Variants in HHAT observed in about 807,000 individuals in gnomAD.
The protein encoded by HHAT is hedgehog acyltransferase, also known as protein-cysteine N-palmitoyltransferase HHAT.
Under a neutral mutation model 70.8 loss-of-function variants are expected in HHAT, and 47 were observed. The ratio of observed to expected loss-of-function variants is 0.66; its 90% confidence interval spans 0.53 to 0.85. The LOEUF is 0.85. HHAT is among the 40% of genes least tolerant of loss of function. HHAT has a pLI of 0.00. For missense variants in HHAT, 609 were observed against 604.8 expected (o/e 1.01, Z -0.07); for synonymous variants, 228 against 247.6 (o/e 0.92, Z 0.74).
chr1:210,497,718 C>T (rs1481496356), intron 8 of HHAT, among the ~76,000 whole-genome samples: 1 of 151,776 alleles, frequency 6.6e-6, no homozygotes, highest in Non-Finnish European at 1.5e-5. Context: ...TGTAGAGGCC[C>T]ATTTGTTCTC....
At chr1:210,587,769 G>C in intron 9 of HHAT, 129 bp from the exon 10 acceptor site, 1 of 711,120 alleles carries the variant, frequency 1.4e-6, no homozygotes, top group Non-Finnish European at 2.4e-6. Context: ...CAAGGAATCT[G>C]GCCTCTTGGA....
rs74454474 is a variant in HHAT at position 210,331,166 on chromosome 1, C to T, written c.-44+2062C>T. Among the ~76,000 whole-genome samples, 7 of 152,182 alleles carry T rather than the reference C, an allele frequency of 4.6e-5. No homozygotes were observed. The East Asian group carries it at 1.3e-3, about 29-fold the overall frequency. ...GTGGACTTTATTTCTATTATTATTACATTGTAATATGAATACAACTCACCA... is the reference window on the plus strand; with the variant it reads ...GTGGACTTTATTTCTATTATTATTATATTGTAATATGAATACAACTCACCA... On this transcript the variant is annotated intron_variant, in intron 1 of 11. Coordinates refer to ENST00000261458, the MANE Select transcript of HHAT (RefSeq NM_018194.6).
At chr1:210,553,857 A>G (rs1191326743) in intron 9 of HHAT, among the ~76,000 whole-genome samples, 1 of 152,122 alleles carries the variant, frequency 6.6e-6, no homozygotes, top group African/African-American at 2.4e-5. Flanking sequence ...CTCCACCCCG[A>G]GTGTATCCAC....
intron 8 of HHAT, among the ~76,000 whole-genome samples, chr1:210,479,700 G>A (rs2094362322): frequency 6.6e-6 from 1 of 152,032 alleles, no homozygotes; most frequent in Non-Finnish European, 1.5e-5. Context: ...TGTGGTCAGT[G>A]GATACCTTGA....
chr1:210,639,021 T>C (rs1479527519), intron 11 of HHAT, among the ~76,000 whole-genome samples: 2 of 152,228 alleles, frequency 1.3e-5, no homozygotes, highest in Non-Finnish European at 2.9e-5. Context: ...TTATGTGATA[T>C]GCAAATCTTA....
At chr1:210,455,584 C>T (rs550069485) in intron 7 of HHAT, among the ~76,000 whole-genome samples, 2 of 152,104 alleles carry the variant, frequency 1.3e-5, no homozygotes, top group South Asian at 2.1e-4. Flanking sequence ...ACAGCTGACC[C>T]GATTCAAGTT....
At chr1:210,665,669 T>TA (rs1227369772) in intron 11 of HHAT, among the ~76,000 whole-genome samples, 3 of 152,152 alleles carry the variant, frequency 2.0e-5, no homozygotes, top group African/African-American at 7.2e-5. Flanking sequence ...ATGGTAGATT[T>TA]AAAAAACTAA....
At position 210,418,145 on chromosome 1, in the gene HHAT, C is replaced by T; in HGVS notation, c.685-9C>T. 6.2e-7 allele frequency: 1 copy of T among 1,613,996 alleles called. No individual in the cohort carries two copies. ...CACCATCGAATGACCTCTTTTGTTT[C>T]CACTTTAGATGCAGCAGCAGGAGCA... On this transcript the variant is annotated splice_polypyrimidine_tract_variant and intron_variant, in intron 6 of 11. Coordinates refer to ENST00000261458, the MANE Select transcript of HHAT (RefSeq NM_018194.6).
chr1:210,364,103 C>G (rs2088646794), intron 3 of HHAT, among the ~76,000 whole-genome samples: 1 of 152,220 alleles, frequency 6.6e-6, no homozygotes, highest in African/African-American at 2.4e-5. Flanking sequence ...CTGAGAAGAG[C>G]ATCCTGCCCT....
chr1:210,369,119 C>T (rs2089305395), intron 3 of HHAT, among the ~76,000 whole-genome samples: 1 of 152,102 alleles, frequency 6.6e-6, no homozygotes, highest in Non-Finnish European at 1.5e-5. Context: ...CTGATTCTCC[C>T]TCTGTAGCAA....
chr1:210,330,808 C>T (rs543103847), intron 1 of HHAT, among the ~76,000 whole-genome samples: 4 of 152,080 alleles, frequency 2.6e-5, no homozygotes, highest in Non-Finnish European at 5.9e-5. Context: ...AATTCAAGCA[C>T]GTTACATTTA....
chr1:210,587,614 C>T (rs907037895), intron 9 of HHAT, among the ~76,000 whole-genome samples: 7 of 152,160 alleles, frequency 4.6e-5, no homozygotes, highest in Non-Finnish European at 1.0e-4. Context: ...TTCAGAAACT[C>T]TAAATTCATG....
intron 5 of HHAT, among the ~76,000 whole-genome samples, chr1:210,401,884 T>C (rs953619414): frequency 6.6e-6 from 1 of 151,518 alleles, no homozygotes; most frequent in Non-Finnish European, 1.5e-5. Flanking sequence ...GTGGCTAGCA[T>C]CCCCTGGACG....
chr1:210,535,200 A>G (rs984597161), intron 9 of HHAT, among the ~76,000 whole-genome samples: 2 of 152,192 alleles, frequency 1.3e-5, no homozygotes, highest in Non-Finnish European at 1.5e-5. Flanking sequence ...CTCCATTGCC[A>G]GCACTACTTC....
intron 2 of HHAT, 47 bp downstream of exon 2, chr1:210,349,113 T>G (rs116639223): frequency 1.3e-6 from 2 of 1,587,976 alleles, no homozygotes; most frequent in Non-Finnish European, 1.7e-6. Context: ...AGGAAACTCC[T>G]GTCAAAAAAA....
chr1:210,562,898 A>T (rs1220842761), intron 9 of HHAT, among the ~76,000 whole-genome samples: 1 of 146,212 alleles, frequency 6.8e-6, no homozygotes, highest in Admixed American at 7.2e-5. Flanking sequence ...GAGTGAGAAC[A>T]TGCGGTGTTT....
Position 210,341,653 on chromosome 1 carries a change from T to TTG in HHAT, c.-43-7279_-43-7278dup, listed in dbSNP as rs559644213. Reference sequence around the variant, plus strand: ...GAGAGGATCCGAGTAGATGGCATCTTTGAAAGCAGGTGGAGTGTTAAATTC... The same window carrying TTG: ...GAGAGGATCCGAGTAGATGGCATCTTTGTGAAAGCAGGTGGAGTGTTAAATTC... On this transcript the variant is annotated intron_variant, in intron 1 of 11. Transcript: ENST00000261458. Among the ~76,000 whole-genome samples the TTG allele has an allele frequency of 2.0e-3, 303 of 152,340 alleles. 1 individual carries two copies. The highest frequency in any genetic ancestry group is 4.4e-3 in the Admixed American group (68 of 15,306).
At chr1:210,374,163 C>T (rs536674122) in intron 3 of HHAT, 10 of 152,210 alleles carry the variant, frequency 6.6e-5, no homozygotes, top group South Asian at 6.2e-4. Context: ...TCTGCCTCCC[C>T]AGGGCAAGGC....
intron 7 of HHAT, among the ~76,000 whole-genome samples, chr1:210,454,236 ATT>A (rs1558548356): frequency 6.7e-6 from 1 of 149,812 alleles, no homozygotes; most frequent in Non-Finnish European, 1.5e-5. Context: ...GCTTTTTAGA[ATT>A]TTCAGACATT....
Sources: allele counts gnomAD v4.1 joint callset (sites outside exome capture counted in the v4.1 genomes callset), GRCh38; gene constraint gnomAD v4.1.1; transcripts MANE v1.5; gene names NCBI Gene and HGNC (gene_info 2026-07-23, HGNC 2026-07-21).